LYPLAL1: variants seen among roughly 807,000 people sequenced by gnomAD.
The protein encoded by LYPLAL1 is lysophospholipase-like protein 1.
Under a neutral mutation model 19.7 loss-of-function variants are expected in LYPLAL1, and 23 were observed. The ratio of observed to expected loss-of-function variants is 1.17; its 90% confidence interval spans 0.84 to 1.65. The LOEUF is 1.65. Among genes scored for constraint, LYPLAL1 ranks in the 40% most tolerant of loss-of-function variants. The probability of loss-of-function intolerance (pLI) is 0.00; values close to 1 mark genes in which losing one functional copy is unlikely to be tolerated. For missense variants in LYPLAL1, 355 were observed against 279.4 expected (o/e 1.27, Z -1.93); for synonymous variants, 119 against 96.3 (o/e 1.24, Z -1.38).
chr1:219,422,327 G>T, the LYPLAL1 span, among the ~76,000 whole-genome samples: 1 of 152,052 alleles, frequency 6.6e-6, no homozygotes, highest in African/African-American at 2.4e-5. Context: ...TTGGCTTTTG[G>T]GTCATAATTA....
chr1:219,306,908 T>C, the LYPLAL1 span, among the ~76,000 whole-genome samples: 1 of 151,652 alleles, frequency 6.6e-6, no homozygotes, highest in Admixed American at 6.6e-5. Flanking sequence ...CTATTGGTCC[T>C]GTTTCTCCGG....
intron 3 of LYPLAL1, among the ~76,000 whole-genome samples, chr1:219,202,905 T>G (rs1658237347): frequency 6.6e-6 from 1 of 152,050 alleles, no homozygotes; most frequent in African/African-American, 2.4e-5. Context: ...CAGGCTGGTC[T>G]CAAACTCCTG....
chr1:219,403,492 G>C, the LYPLAL1 span, among the ~76,000 whole-genome samples: 1 of 152,174 alleles, frequency 6.6e-6, no homozygotes, highest in Non-Finnish European at 1.5e-5. Flanking sequence ...GGGATCACAA[G>C]AGGAGTAAAC....
At chr1:219,206,274 C>T (rs1658559989) in intron 3 of LYPLAL1, among the ~76,000 whole-genome samples, 1 of 151,976 alleles carries the variant, frequency 6.6e-6, no homozygotes, top group Admixed American at 6.6e-5. Flanking sequence ...AATGTTAACT[C>T]TTGACATTTT....
At chr1:219,309,470 C>T in the LYPLAL1 span, among the ~76,000 whole-genome samples, 1 of 152,038 alleles carries the variant, frequency 6.6e-6, no homozygotes, top group South Asian at 2.1e-4. Flanking sequence ...GAATGATATG[C>T]TTTGTCTCTG....
At chr1:219,434,954 C>T in the LYPLAL1 span, among the ~76,000 whole-genome samples, 8 of 152,004 alleles carry the variant, frequency 5.3e-5, no homozygotes, top group Non-Finnish European at 8.8e-5. Context: ...GACCCCATGT[C>T]CCCTCATCAT....
chr1:219,188,984 C>G (rs1011450840), intron 2 of LYPLAL1, among the ~76,000 whole-genome samples: 2 of 151,672 alleles, frequency 1.3e-5, no homozygotes, highest in African/African-American at 2.4e-5. Flanking sequence ...GCTTTCTTAG[C>G]AAGAAAGTTC....
At chr1:219,429,799 T>G in the LYPLAL1 span, among the ~76,000 whole-genome samples, 3 of 152,226 alleles carry the variant, frequency 2.0e-5, no homozygotes, top group East Asian at 5.8e-4. Context: ...TTGTGTGATA[T>G]TATGAGTTAA....
chr1:219,411,067 A>G, the LYPLAL1 span, among the ~76,000 whole-genome samples: 1 of 152,224 alleles, frequency 6.6e-6, no homozygotes. Context: ...AGGCAGCTCC[A>G]CCTGCAGCCC....
the LYPLAL1 span, among the ~76,000 whole-genome samples, chr1:219,278,677 T>A: frequency 2.2e-5 from 1 of 45,018 alleles, no homozygotes; most frequent in Non-Finnish European, 5.3e-5. Context: ...TAAAAATCAC[T>A]AAACAACAAC....
chr1:219,258,473 G>A, the LYPLAL1 span, among the ~76,000 whole-genome samples: 2 of 151,938 alleles, frequency 1.3e-5, no homozygotes, highest in Admixed American at 6.6e-5. Flanking sequence ...GCAACAAATA[G>A]CATATTTTCC....
chr1:219,281,316 T>A, the LYPLAL1 span, among the ~76,000 whole-genome samples: 1 of 152,090 alleles, frequency 6.6e-6, no homozygotes, highest in African/African-American at 2.4e-5. Flanking sequence ...GAGAGAAAGG[T>A]AATAATTAAT....
the LYPLAL1 span, among the ~76,000 whole-genome samples, chr1:219,249,488 T>C: frequency 6.6e-6 from 1 of 151,982 alleles, no homozygotes; most frequent in Admixed American, 6.6e-5. Context: ...GTTGCTCTTA[T>C]GAGCACCACT....
intron 4 of LYPLAL1, among the ~76,000 whole-genome samples, chr1:219,210,918 A>G (rs530361591): frequency 3.9e-5 from 6 of 152,232 alleles, no homozygotes; most frequent in African/African-American, 9.6e-5. Flanking sequence ...GGGGGAGCAT[A>G]TATGTAAATT....
At chr1:219,277,430 G>A in the LYPLAL1 span, among the ~76,000 whole-genome samples, 32 of 152,228 alleles carry the variant, frequency 2.1e-4, no homozygotes, top group South Asian at 6.6e-3. Context: ...GAGAGAGAAA[G>A]GGAGAGAGAC....
the LYPLAL1 span, among the ~76,000 whole-genome samples, chr1:219,352,375 G>A: frequency 6.6e-6 from 1 of 152,012 alleles, no homozygotes; most frequent in Non-Finnish European, 1.5e-5. Context: ...AAAATTAGCC[G>A]GGCGCGGTGG....
the LYPLAL1 span, among the ~76,000 whole-genome samples, chr1:219,416,886 A>G: frequency 6.6e-6 from 1 of 152,206 alleles, no homozygotes; most frequent in Admixed American, 6.5e-5. Context: ...GGTTGTGACC[A>G]GAAAACAAGT....
At chr1:219,419,962 G>A in the LYPLAL1 span, among the ~76,000 whole-genome samples, 2 of 152,326 alleles carry the variant, frequency 1.3e-5, no homozygotes, top group African/African-American at 4.8e-5. Context: ...GCCTGAAGCT[G>A]GTGCCAAAAC....
the LYPLAL1 span, among the ~76,000 whole-genome samples, chr1:219,229,003 C>T: frequency 6.6e-6 from 1 of 152,102 alleles, no homozygotes; most frequent in Non-Finnish European, 1.5e-5. Context: ...TGTATTGTAA[C>T]TCTTTTAATC....
Sources: allele counts gnomAD v4.1 joint callset (sites outside exome capture counted in the v4.1 genomes callset), GRCh38; gene constraint gnomAD v4.1.1; transcripts MANE v1.5; gene names NCBI Gene and HGNC (gene_info 2026-07-23, HGNC 2026-07-21).